The following STX18 variants were observed in gnomAD, a reference collection of about 807,000 sequenced individuals.
The protein encoded by STX18 is syntaxin-18.
STX18 carries 40 observed loss-of-function variants against 50.1 expected under a neutral mutation model. The observed-to-expected ratio is 0.80, with a 90% CI of 0.62 to 1.04. The LOEUF (loss-of-function observed/expected upper bound fraction) is 1.04, where lower values mean the gene tolerates loss of function less well. Among genes scored for constraint, STX18 ranks in the 50% least tolerant of loss-of-function variants. The pLI, the probability that STX18 is intolerant of heterozygous loss-of-function variation, is 0.00. For synonymous variants in STX18, 158 were observed against 151.8 expected, an observed-to-expected ratio of 1.04 and a Z score of -0.30; for missense variants, 410 against 415.8, an observed-to-expected ratio of 0.99 and a Z score of 0.12.
chr4:4,432,611 C>T (rs1406974786), intron 7 of STX18, among the ~76,000 whole-genome samples: 2 of 152,220 alleles, frequency 1.3e-5, no homozygotes, highest in Admixed American at 6.5e-5. Flanking sequence ...TTGCCCATCT[C>T]ACAGATGAGG....
intron 1 of STX18, among the ~76,000 whole-genome samples, chr4:4,494,681 A>T (rs1729092496): frequency 1.3e-5 from 2 of 152,200 alleles, no homozygotes; most frequent in African/African-American, 4.8e-5. Context: ...TGAGGAATTA[A>T]CAATCAAGCT....
chr4:4,536,548 T>G (rs79092430), intron 1 of STX18, among the ~76,000 whole-genome samples: 1 of 152,044 alleles, frequency 6.6e-6, no homozygotes, highest in Non-Finnish European at 1.5e-5. Flanking sequence ...AGGAGAAAAG[T>G]GTTCCAGGTA....
At chr4:4,423,489 A>G (rs7671677) in intron 9 of STX18, 29 bp downstream of exon 9, 96,734 of 1,610,490 alleles carry the variant, frequency 0.06, 5,543 homozygotes, top group African/African-American at 0.3. Flanking sequence ...GAGTGAAAAC[A>G]TACAGCTCCT....
chr4:4,497,147 G>T (rs549391119), intron 1 of STX18, among the ~76,000 whole-genome samples: 35 of 152,190 alleles, frequency 2.3e-4, no homozygotes, highest in Non-Finnish European at 7.3e-5. Flanking sequence ...CGGCTCCAGG[G>T]CCAGGCGAGG....
chr4:4,533,684 G>A (rs1445656409), intron 1 of STX18, among the ~76,000 whole-genome samples: 2 of 152,108 alleles, frequency 1.3e-5, no homozygotes, highest in African/African-American at 4.8e-5. Flanking sequence ...CTGGTTCTTG[G>A]GCCTCCAAAA....
At chr4:4,520,855 T>C (rs549337945) in intron 1 of STX18, among the ~76,000 whole-genome samples, 12 of 152,358 alleles carry the variant, frequency 7.9e-5, no homozygotes, top group Middle Eastern at 3.4e-3. Context: ...TAGTGAAATA[T>C]ATCTTTCAGA....
At chr4:4,475,607 C>T (rs1277602727) in intron 1 of STX18, among the ~76,000 whole-genome samples, 1 of 152,172 alleles carries the variant, frequency 6.6e-6, no homozygotes, top group Non-Finnish European at 1.5e-5. Flanking sequence ...TGTTTAATCA[C>T]ATGACTACCA....
chr4:4,487,957 T>C (rs1479508412), intron 1 of STX18, among the ~76,000 whole-genome samples: 8 of 152,200 alleles, frequency 5.3e-5, no homozygotes, highest in African/African-American at 9.6e-5. Context: ...TATCAAGAAT[T>C]TGACATTCTA....
intron 1 of STX18, among the ~76,000 whole-genome samples, chr4:4,511,085 C>T (rs1577389265): frequency 6.6e-6 from 1 of 152,148 alleles, no homozygotes; most frequent in East Asian, 1.9e-4. Context: ...GACGGGTTGA[C>T]AGGTACAGCA....
At chr4:4,511,729 T>TGTGC (rs959418923) in intron 1 of STX18, among the ~76,000 whole-genome samples, 3 of 149,076 alleles carry the variant, frequency 2.0e-5, no homozygotes, top group Non-Finnish European at 3.0e-5. Flanking sequence ...TGTGTGTGTG[T>TGTGC]GTGTGTGTGT....
At chr4:4,461,070 C>G (rs1189287822) in intron 2 of STX18, among the ~76,000 whole-genome samples, 1 of 152,206 alleles carries the variant, frequency 6.6e-6, no homozygotes, top group Non-Finnish European at 1.5e-5. Flanking sequence ...TGACTAGTTC[C>G]AAGAACATTC....
At chr4:4,470,568 T>A (rs534890426) in intron 2 of STX18, among the ~76,000 whole-genome samples, 2 of 152,284 alleles carry the variant, frequency 1.3e-5, no homozygotes, top group Middle Eastern at 3.4e-3. Flanking sequence ...TATTAAATAA[T>A]TACAAATTGT....
At chr4:4,489,832 A>G (rs1331882799) in intron 1 of STX18, among the ~76,000 whole-genome samples, 1 of 152,204 alleles carries the variant, frequency 6.6e-6, no homozygotes, top group Non-Finnish European at 1.5e-5. Flanking sequence ...TATATTAAAG[A>G]TCTTGATTTT....
chr4:4,432,362 C>A (rs907081497), intron 7 of STX18, among the ~76,000 whole-genome samples: 6 of 152,376 alleles, frequency 3.9e-5, no homozygotes, highest in African/African-American at 1.4e-4. Flanking sequence ...CCTGACCCTG[C>A]CATGATGGCA....
intron 5 of STX18, among the ~76,000 whole-genome samples, chr4:4,445,833 C>G (rs1410417142): frequency 1.3e-5 from 2 of 152,128 alleles, no homozygotes; most frequent in African/African-American, 4.8e-5. Context: ...AAAGCTGATT[C>G]TAAAATTGAT....
intron 1 of STX18, among the ~76,000 whole-genome samples, chr4:4,519,599 T>G (rs1453871427): frequency 6.6e-6 from 1 of 152,132 alleles, no homozygotes; most frequent in Non-Finnish European, 1.5e-5. Flanking sequence ...AATCATTAGC[T>G]GTAAAACAGC....
chr4:4,463,200 T>C (rs1463600128), intron 2 of STX18, among the ~76,000 whole-genome samples: 1 of 152,218 alleles, frequency 6.6e-6, no homozygotes, highest in African/African-American at 2.4e-5. Flanking sequence ...TTAGACTTTG[T>C]GGGCCTTGTA....
At chr4:4,484,151 C>T (rs141311836) in intron 1 of STX18, among the ~76,000 whole-genome samples, 27 of 152,302 alleles carry the variant, frequency 1.8e-4, no homozygotes, top group East Asian at 9.7e-4. Context: ...TGTGAGCCAC[C>T]GTGCCCGGCC....
At chr4:4,484,955 G>T (rs1693356884) in intron 1 of STX18, among the ~76,000 whole-genome samples, 1 of 152,232 alleles carries the variant, frequency 6.6e-6, no homozygotes, top group African/African-American at 2.4e-5. Flanking sequence ...AGAACAAGAA[G>T]TTCCAACCCA....
Sources: allele counts gnomAD v4.1 joint callset (sites outside exome capture counted in the v4.1 genomes callset), GRCh38; gene constraint gnomAD v4.1.1; transcripts MANE v1.5; gene names NCBI Gene and HGNC (gene_info 2026-07-23, HGNC 2026-07-21).